Variants in CCSER1 observed in about 807,000 individuals in gnomAD.
The protein encoded by CCSER1 is coiled-coil serine rich protein 1.
CCSER1 carries 41 observed loss-of-function variants against 82.0 expected under a neutral mutation model. The ratio of observed to expected loss-of-function variants is 0.50; its 90% CI spans 0.39 to 0.65. The LOEUF is 0.65. CCSER1 is among the 30% of genes least tolerant of loss of function. The pLI, the probability that CCSER1 is intolerant of heterozygous loss-of-function variation, is 0.00. For missense variants in CCSER1, 1,119 were observed against 1,064.2 expected, an observed-to-expected ratio of 1.05 and a Z score of -0.72; for synonymous variants, 414 against 383.9, an observed-to-expected ratio of 1.08 and a Z score of -0.92.
At chr4:90,614,501 C>A (rs779177321) in intron 5 of CCSER1, among the ~76,000 whole-genome samples, 1 of 152,166 alleles carries the variant, frequency 6.6e-6, no homozygotes, top group Non-Finnish European at 1.5e-5. Flanking sequence ...ATTAAAAGTG[C>A]TACTTCAGTG....
chr4:91,033,762 G>T (rs1741190989), intron 9 of CCSER1, among the ~76,000 whole-genome samples: 1 of 152,038 alleles, frequency 6.6e-6, no homozygotes, highest in Non-Finnish European at 1.5e-5. Flanking sequence ...TTCATCAGTA[G>T]GTCAAAGAAC....
rs1329917790 is a variant in CCSER1 at position 90,197,977 on chromosome 4, C to A, written c.-42+70146C>A. On this transcript the variant is annotated intron_variant, in intron 1 of 10. Transcript: ENST00000509176. ...GAATAAATGCTTGAAGGGATGGATA[C>A]CCCATTCTTCATGTTGTACTTATTT... Among the ~76,000 whole-genome samples the A allele has an allele frequency of 2.0e-5, 3 of 152,128 alleles. No homozygotes were observed. In the East Asian group the frequency reaches 5.8e-4, roughly 29 times the overall value.
chr4:90,315,351 A>G (rs1227990625), intron 3 of CCSER1, among the ~76,000 whole-genome samples: 5 of 152,142 alleles, frequency 3.3e-5, no homozygotes, highest in Non-Finnish European at 7.4e-5. Context: ...TGTTCATTGG[A>G]TTTACAGATG....
intron 10 of CCSER1, among the ~76,000 whole-genome samples, chr4:91,451,382 A>C (rs1446584463): frequency 1.3e-5 from 2 of 152,046 alleles, no homozygotes; most frequent in African/African-American, 4.8e-5. Flanking sequence ...AAAGCATCAT[A>C]CTATTTCCAA....
At chr4:90,576,466 G>A (rs1448234505) in intron 5 of CCSER1, among the ~76,000 whole-genome samples, 6 of 151,976 alleles carry the variant, frequency 3.9e-5, no homozygotes, top group Non-Finnish European at 1.5e-5. Flanking sequence ...ATCTACCATT[G>A]TACTAACACA....
chr4:91,040,881 A>T (rs895512640), intron 9 of CCSER1, among the ~76,000 whole-genome samples: 19 of 152,192 alleles, frequency 1.2e-4, no homozygotes, highest in African/African-American at 4.6e-4. Flanking sequence ...ACATATTTTT[A>T]AAAAGCTTTA....
rs571455689 is a variant in CCSER1 at position 90,717,955 on chromosome 4, G to A, written c.1933-5959G>A. Among the ~76,000 whole-genome samples, 3 of 151,834 alleles carry A rather than the reference G, an allele frequency of 2.0e-5. No homozygotes were observed. In the South Asian group the frequency reaches 6.2e-4, roughly 32 times the overall value. On this transcript the variant is annotated intron_variant, in intron 6 of 10. Transcript: ENST00000509176. The stretch of plus-strand genomic sequence containing the variant: ...GTCTAAGAGCAGGGAAGTTTAATGT[G>A]TACTCAATACTTTTTGAATGGCTGA...
chr4:90,479,967 T>G (rs141097956), intron 5 of CCSER1, among the ~76,000 whole-genome samples: 2,418 of 152,212 alleles, frequency 0.016, 38 homozygotes, highest in African/African-American at 0.047. Flanking sequence ...TTTCCACAAT[T>G]GTTGAACTAG....
At position 91,538,683 on chromosome 4, in the gene CCSER1, T is replaced by C. The variant is rs562310608; in HGVS notation, c.2218-59889T>C. ...GTTAAATATATGTGTATATATGATATATATTATATATACACATATATATAT... is the reference window on the plus strand; with the variant it reads ...GTTAAATATATGTGTATATATGATACATATTATATATACACATATATATAT... On this transcript the variant is annotated intron_variant, in intron 10 of 10. Coordinates refer to ENST00000509176, the MANE Select transcript of CCSER1 (RefSeq NM_001145065.2). Among the ~76,000 whole-genome samples the C allele has an allele frequency of 4.4e-5, 5 of 114,046 alleles. No individual in the cohort carries two copies. In the East Asian group the frequency reaches 1.2e-3, roughly 28 times the overall value. The allele number at this position is 114,046 out of a possible 152,430, so 74.8% of individuals were successfully genotyped here. A position where few individuals can be genotyped will look rare whatever the true frequency, so the allele number is the denominator to read the frequency against.
intron 8 of CCSER1, among the ~76,000 whole-genome samples, chr4:90,844,002 G>A (rs1762886055): frequency 6.6e-6 from 1 of 151,804 alleles, no homozygotes; most frequent in Non-Finnish European, 1.5e-5. Flanking sequence ...TTGTGTATTT[G>A]TCAAGCACTC....
At chr4:90,918,138 A>G in intron 8 of CCSER1, 1 of 394,116 alleles carries the variant, frequency 2.5e-6, no homozygotes. Flanking sequence ...TGTAATCACT[A>G]TTATATACTA....
At chr4:91,069,387 A>G (rs982115540) in intron 9 of CCSER1, among the ~76,000 whole-genome samples, 21 of 152,222 alleles carry the variant, frequency 1.4e-4, no homozygotes, top group African/African-American at 4.8e-4. Flanking sequence ...TGAATGGTTA[A>G]TATTATACTC....
intron 5 of CCSER1, among the ~76,000 whole-genome samples, chr4:90,496,716 C>A (rs1019275955): frequency 6.6e-6 from 1 of 152,012 alleles, no homozygotes; most frequent in Non-Finnish European, 1.5e-5. Context: ...CAGTGGCTCA[C>A]GCCTGTAATT....
At chr4:90,813,839 G>T (rs988574647) in intron 7 of CCSER1, among the ~76,000 whole-genome samples, 1 of 152,094 alleles carries the variant, frequency 6.6e-6, no homozygotes, top group African/African-American at 2.4e-5. Flanking sequence ...AGCTGTTGGT[G>T]GATCTATGAT....
At chr4:90,965,744 T>A (rs2150386294) in intron 9 of CCSER1, among the ~76,000 whole-genome samples, 1 of 151,928 alleles carries the variant, frequency 6.6e-6, no homozygotes, top group East Asian at 1.9e-4. Flanking sequence ...AATGTCCAAT[T>A]GCCAAAAAAT....
At chr4:90,260,832 C>T (rs1724197012) in intron 1 of CCSER1, among the ~76,000 whole-genome samples, 1 of 152,202 alleles carries the variant, frequency 6.6e-6, no homozygotes, top group African/African-American at 2.4e-5. Flanking sequence ...TTTCCTGCCT[C>T]AGCCTCCCGA....
chr4:90,523,000 C>T (rs925678561), intron 5 of CCSER1, among the ~76,000 whole-genome samples: 2 of 151,938 alleles, frequency 1.3e-5, no homozygotes, highest in Non-Finnish European at 2.9e-5. Flanking sequence ...ATCATTTACC[C>T]CCCTCTTTAC....
At chr4:91,067,704 C>T (rs1010646781) in intron 9 of CCSER1, among the ~76,000 whole-genome samples, 2 of 152,222 alleles carry the variant, frequency 1.3e-5, no homozygotes, top group South Asian at 2.1e-4. Context: ...TAGATAAAAA[C>T]GAAGTCCCTA....
chr4:90,480,876 C>T (rs1197467030), intron 5 of CCSER1, among the ~76,000 whole-genome samples: 1 of 152,040 alleles, frequency 6.6e-6, no homozygotes, highest in Non-Finnish European at 1.5e-5. Context: ...TTTTTGGTTC[C>T]ATAGGAACTT....
Sources: gnomAD v4.1 joint callset for allele counts (sites outside exome capture counted in the v4.1 genomes callset) on GRCh38, gnomAD v4.1.1 for gene constraint, MANE v1.5 for transcripts, NCBI Gene and HGNC (gene_info 2026-07-23, HGNC 2026-07-21) for gene names.